Variants in CLIC5 observed in about 807,000 individuals in gnomAD.
CLIC5 encodes chloride intracellular channel protein 5.
A neutral mutation model predicts 24.7 loss-of-function variants in CLIC5; 20 were observed. That is an observed-to-expected ratio of 0.81 (90% confidence interval 0.57 to 1.18). The LOEUF is 1.18. Among genes scored for constraint, CLIC5 ranks in the 50% most tolerant of loss-of-function variants. The pLI is 0.00. For missense variants in CLIC5, 341 were observed against 326.1 expected (o/e 1.05, Z -0.35); for synonymous variants, 159 against 135.6 (o/e 1.17, Z -1.20).
At chr6:45,992,298 C>A (rs1765969144) in intron 1 of CLIC5, among the ~76,000 whole-genome samples, 1 of 152,182 alleles carries the variant, frequency 6.6e-6, no homozygotes, top group South Asian at 2.1e-4. Context: ...ATTGTTGACC[C>A]AGCTCATTTC....
chr6:46,045,987 A>G (rs1359764465), intron 1 of CLIC5, among the ~76,000 whole-genome samples: 1 of 152,188 alleles, frequency 6.6e-6, no homozygotes, highest in East Asian at 1.9e-4. Flanking sequence ...TACCTGTGTA[A>G]AGGCAGGTGC....
At chr6:46,122,424 T>C in the CLIC5 span, among the ~76,000 whole-genome samples, 3 of 152,162 alleles carry the variant, frequency 2.0e-5, no homozygotes, top group Non-Finnish European at 4.4e-5. Flanking sequence ...GGGACACATT[T>C]AAAGCAGTGT....
chr6:46,094,019 G>C, the CLIC5 span, among the ~76,000 whole-genome samples: 1 of 152,218 alleles, frequency 6.6e-6, no homozygotes, highest in Non-Finnish European at 1.5e-5. Flanking sequence ...GGCAACGCAG[G>C]AGCAGGTGTC....
the CLIC5 span, among the ~76,000 whole-genome samples, chr6:46,109,092 A>G: frequency 6.6e-6 from 1 of 151,384 alleles, no homozygotes; most frequent in South Asian, 2.1e-4. Flanking sequence ...TGATTATTAC[A>G]TTAAATTGTT....
At chr6:45,918,866 G>T in intron 4 of CLIC5, 1 of 766,542 alleles carries the variant, frequency 1.3e-6, no homozygotes. Flanking sequence ...AACACACAAT[G>T]AGGCTATTGA....
chr6:46,101,019 A>G, the CLIC5 span, among the ~76,000 whole-genome samples: 36 of 152,362 alleles, frequency 2.4e-4, no homozygotes, highest in African/African-American at 8.7e-4. Context: ...CATGAAATAA[A>G]GAATTCCCGT....
intron 1 of CLIC5, among the ~76,000 whole-genome samples, chr6:45,959,751 A>G (rs1764786951): frequency 6.6e-6 from 1 of 152,232 alleles, no homozygotes; most frequent in Admixed American, 6.5e-5. Flanking sequence ...CAACTCAATC[A>G]TACAAGTGCT....
chr6:46,046,704 C>T (rs1767963964), intron 1 of CLIC5, among the ~76,000 whole-genome samples: 1 of 152,202 alleles, frequency 6.6e-6, no homozygotes, highest in Non-Finnish European at 1.5e-5. Context: ...ACAGTCATCT[C>T]CTTAAATAGA....
intron 6 of CLIC5, among the ~76,000 whole-genome samples, chr6:45,887,570 T>G (rs1277578424): frequency 6.6e-6 from 1 of 151,686 alleles, no homozygotes; most frequent in Non-Finnish European, 1.5e-5. Flanking sequence ...CAAGCATAGT[T>G]TTTGGGGGGA....
intron 5 of CLIC5, among the ~76,000 whole-genome samples, chr6:45,905,393 T>G (rs2127296656): frequency 6.6e-6 from 1 of 152,228 alleles, no homozygotes; most frequent in Admixed American, 6.5e-5. Context: ...CTTTTTGACT[T>G]TTTCACAATA....
intron 4 of CLIC5, chr6:45,918,836 G>T: frequency 1.9e-6 from 1 of 516,800 alleles, no homozygotes; most frequent in Non-Finnish European, 2.5e-6. Context: ...AGCTAGGGAT[G>T]TTTATGCAAC....
At chr6:46,012,844 T>C (rs1334189105) in intron 1 of CLIC5, among the ~76,000 whole-genome samples, 1 of 152,256 alleles carries the variant, frequency 6.6e-6, no homozygotes, top group Non-Finnish European at 1.5e-5. Flanking sequence ...AAGGTACCTG[T>C]GAATCCAGTT....
At position 46,061,927 on chromosome 6, in the gene CLIC5, T is replaced by C. The variant is rs144844710; in HGVS notation, c.540+17776A>G. Among the ~76,000 whole-genome samples, 303 of 152,298 alleles carry C rather than the reference T, an allele frequency of 2.0e-3. 2 individuals are homozygous for C. The highest frequency in any genetic ancestry group is 6.9e-3 in the African/African-American group (288 of 41,564). On this transcript the variant is annotated intron_variant, in intron 1 of 5. Coordinates refer to the CLIC5 transcript ENST00000185206. ...AAGAGCCTGTGACCACAGAACTGAT[T>C]GGTCTTCAAGCCAGATCTGAACCCA...
chr6:45,934,359 A>AAGAAGAGTATAGAAACAAGT (rs1763855259), intron 4 of CLIC5: 1 of 152,184 alleles, frequency 6.6e-6, no homozygotes, highest in African/African-American at 2.4e-5. Context: ...TAAATTTTAA[A>AAGAAGAGTATAGAAACAAGT]ATAGAAAGAA....
chr6:46,093,035 C>T, the CLIC5 span, among the ~76,000 whole-genome samples: 10 of 152,284 alleles, frequency 6.6e-5, no homozygotes, highest in South Asian at 1.0e-3. Flanking sequence ...TCAGACTAAG[C>T]TTTTCGCAGT....
At position 46,043,411 on chromosome 6, in the gene CLIC5, C is replaced by T. The variant is rs117414876; in HGVS notation, c.540+36292G>A. ...GTTAATGTCTTCATTTGCTTATGCACCATGTTCTCAAATACCTGCAAAGTA... is the reference window on the plus strand; with the variant it reads ...GTTAATGTCTTCATTTGCTTATGCATCATGTTCTCAAATACCTGCAAAGTA... On this transcript the variant is annotated intron_variant, in intron 1 of 5. Coordinates refer to the CLIC5 transcript ENST00000185206. 1.0e-3 allele frequency among the ~76,000 whole-genome samples: 155 copies of T among 152,260 alleles called. 5 individuals carry two copies. In the East Asian group the frequency reaches 0.026, roughly 25 times the overall value.
At chr6:45,965,785 TC>T (rs1764997362) in intron 1 of CLIC5, among the ~76,000 whole-genome samples, 1 of 152,224 alleles carries the variant, frequency 6.6e-6, no homozygotes, top group African/African-American at 2.4e-5. Context: ...TTTGCTTTCC[TC>T]TCTTGACATT....
At chr6:46,039,899 A>G (rs868271193) in intron 1 of CLIC5, among the ~76,000 whole-genome samples, 46 of 152,322 alleles carry the variant, frequency 3.0e-4, no homozygotes, top group African/African-American at 1.1e-3. Context: ...CCTTTAAAAC[A>G]CCACAGCATA....
At chr6:45,933,323 G>C (rs1763814198) in intron 4 of CLIC5, among the ~76,000 whole-genome samples, 1 of 152,154 alleles carries the variant, frequency 6.6e-6, no homozygotes, top group Non-Finnish European at 1.5e-5. Flanking sequence ...AGAAGCAGAG[G>C]GCTTAGCCCT....
Sources: gnomAD v4.1 joint callset for allele counts (sites outside exome capture counted in the v4.1 genomes callset) on GRCh38, gnomAD v4.1.1 for gene constraint, MANE v1.5 for transcripts, NCBI Gene and HGNC (gene_info 2026-07-23, HGNC 2026-07-21) for gene names.